RPL26: variants seen among roughly 807,000 people sequenced by gnomAD.
The protein encoded by RPL26 is large ribosomal subunit protein uL24.
Under a neutral mutation model 16.2 loss-of-function variants are expected in RPL26, and 1 was observed. The observed-to-expected ratio is 0.06, with a 90% CI of 0.02 to 0.29. The LOEUF (loss-of-function observed/expected upper bound fraction) is 0.29. Ranked by LOEUF, RPL26 falls within the 10% of genes least tolerant of loss-of-function variation. The pLI is 1.00. For missense variants in RPL26, 102 were observed against 184.3 expected (o/e 0.55, Z 2.58); for synonymous variants, 55 against 62.4 (o/e 0.88, Z 0.56).
chr17:8,380,738 G>A (rs902897428), intron 2 of RPL26: 1 of 152,200 alleles, frequency 6.6e-6, no homozygotes, highest in Admixed American at 6.5e-5. Context: ...GAAAATTACA[G>A]CAGTTAAAGA....
At chr17:8,383,123 G>A (rs1395972934) in intron 1 of RPL26, 34 bp downstream of exon 1, 2 of 398,684 alleles carry the variant, frequency 5.0e-6, no homozygotes, top group East Asian at 3.6e-5. Context: ...ACGGATGGCT[G>A]CTGATTACAC....
chr17:8,377,692 C>A lies in RPL26; in HGVS notation c.310G>T (p.Val104Leu). 1.9e-6 allele frequency: 3 copies of A among 1,600,798 alleles called. No individual in the cohort carries two copies. The highest frequency in any genetic ancestry group is 2.2e-5 in the East Asian group (1 of 44,778). ...TVHVGIHPSK[V>L]VITRLKLDKD... ...TCCAGTTTTAGCCTAGTGATAACCA[C>A]CTGCAGAAAAATAAGAAAAAAACAC... Residue 104 changes from valine to leucine, a missense_variant and splice_region_variant, in exon 4 of 4, where the codon GTG becomes TTG. Coordinates refer to ENST00000648839, the MANE Select transcript of RPL26 (RefSeq NM_000987.5).
At chr17:8,379,194 CTTTTT>C (rs201780869) in intron 3 of RPL26, 3 of 142,840 alleles carry the variant, frequency 2.1e-5, no homozygotes, top group African/African-American at 7.7e-5. Context: ...TATTTTTTTT[CTTTTT>C]TTTTTTTTGA....
intron 3 of RPL26, 42 bp downstream of exon 3, chr17:8,379,754 T>C: frequency 6.3e-7 from 1 of 1,577,530 alleles, no homozygotes; most frequent in South Asian, 1.1e-5. Flanking sequence ...CAACAATAAT[T>C]GCCATAATTT....
At chr17:8,381,515 T>C (rs1907407637) in intron 2 of RPL26, among the ~76,000 whole-genome samples, 1 of 152,140 alleles carries the variant, frequency 6.6e-6, no homozygotes, top group African/African-American at 2.4e-5. Flanking sequence ...TGGAGACCAA[T>C]CTGGGCAGTA....
intron 3 of RPL26, chr17:8,379,543 C>T (rs745742689): frequency 2.3e-5 from 13 of 553,696 alleles, no homozygotes; most frequent in African/African-American, 7.6e-5. Flanking sequence ...CACTGCACTC[C>T]GGCCTGGGTG....
chr17:8,378,487 T>C (rs1460247123), intron 3 of RPL26, among the ~76,000 whole-genome samples: 3 of 151,966 alleles, frequency 2.0e-5, no homozygotes, highest in East Asian at 1.9e-4. Context: ...AGCAAAACTC[T>C]GTCCAAAACA....
intron 2 of RPL26, chr17:8,381,030 AT>A (rs33988099): frequency 0.68 from 102,456 of 150,936 alleles, 35,173 homozygotes; most frequent in African/African-American, 0.76. Flanking sequence ...GATTTGTGTG[AT>A]TTTTTTTTTT....
At chr17:8,382,459 G>A (rs1907467881) in intron 1 of RPL26, 144 bp from the exon 2 acceptor site, 1 of 618,840 alleles carries the variant, frequency 1.6e-6, no homozygotes, top group Non-Finnish European at 2.8e-6. Flanking sequence ...CTGTTTGATC[G>A]GAAGGGCCTA....
At chr17:8,382,808 C>A in intron 1 of RPL26, 1 of 381,024 alleles carries the variant, frequency 2.6e-6, no homozygotes, top group Non-Finnish European at 4.6e-6. Context: ...CGTCTCGGGT[C>A]CTAAAAGCCT....
At chr17:8,381,877 T>G (rs1907430688) in intron 2 of RPL26, 1 of 306,354 alleles carries the variant, frequency 3.3e-6, no homozygotes, top group African/African-American at 2.4e-5. Flanking sequence ...TGCAGTGAGC[T>G]GAGATGGCAC....
At chr17:8,379,519 A>T in intron 3 of RPL26, 1 of 531,044 alleles carries the variant, frequency 1.9e-6, no homozygotes, top group South Asian at 2.8e-5. Flanking sequence ...GGCTGCAGTG[A>T]GCCGAGATTG....
intron 2 of RPL26, chr17:8,380,448 G>C (rs182182836): frequency 6.5e-6 from 1 of 153,396 alleles, no homozygotes. Context: ...TTTGAAATAG[G>C]CATGAAAAAA....
intron 3 of RPL26, chr17:8,379,523 G>C: frequency 3.7e-6 from 2 of 534,478 alleles, no homozygotes; most frequent in South Asian, 2.8e-5. Context: ...GCAGTGAGCC[G>C]AGATTGTGCC....
chr17:8,377,518 G>A lies in RPL26; in HGVS notation c.*46C>T. On this transcript the variant is annotated 3_prime_UTR_variant, in exon 4 of 4. Transcript: ENST00000648839. ...CCTAAATCACCACACACAAAACACA[G>A]GCTCTTTGTTTCAAGTTTTAATCAA... is the stretch of plus-strand genomic sequence containing the variant. The A allele has an allele frequency of 6.6e-7, 1 of 1,508,578 alleles. No individual in the cohort carries two copies. Among genetic ancestry groups the A allele is most frequent in the South Asian group, 1.2e-5 (1 of 82,902 alleles). The allele number at this position is 1,508,578 out of a possible 1,614,324, so 93.4% of individuals were successfully genotyped here.
chr17:8,380,155 T>C (rs553670184), intron 2 of RPL26: 5 of 533,790 alleles, frequency 9.4e-6, no homozygotes, highest in African/African-American at 5.7e-5. Flanking sequence ...AACCCATTAA[T>C]GTGTGCAACC....
At chr17:8,382,381 G>T in intron 1 of RPL26, 66 bp from the exon 2 acceptor site, 1 of 1,157,580 alleles carries the variant, frequency 8.6e-7, no homozygotes, top group Non-Finnish European at 1.3e-6. Context: ...ACAAATAACC[G>T]CAATGATTTT....
chr17:8,382,712 C>T lies in RPL26; in HGVS notation c.-5-397G>A, dbSNP rs577081153. 40 of 302,410 alleles carry T rather than the reference C, an allele frequency of 1.3e-4. 1 individual carries two copies. Among genetic ancestry groups the T allele is most frequent in the African/African-American group, 5.4e-4 (25 of 46,404 alleles). 18.7% of individuals were successfully genotyped at this position (302,410 alleles called of 1,614,324 possible). On this transcript the variant is annotated intron_variant, in intron 1 of 3. Coordinates refer to ENST00000648839, the MANE Select transcript of RPL26 (RefSeq NM_000987.5). The stretch of plus-strand genomic sequence containing the variant: ...CGTTTTAGAAGGTACAATCAACGTT[C>T]ATCTTCTACAGGCTTAAGAGTGAAT...
intron 2 of RPL26, 33 bp downstream of exon 2, chr17:8,382,110 A>T: frequency 6.3e-7 from 1 of 1,589,032 alleles, no homozygotes; most frequent in South Asian, 1.1e-5. Context: ...TAAAATATCC[A>T]TCAAGACAAC....
Sources: allele counts gnomAD v4.1 joint callset (sites outside exome capture counted in the v4.1 genomes callset), GRCh38; gene constraint gnomAD v4.1.1; transcripts MANE v1.5; gene names NCBI Gene and HGNC (gene_info 2026-07-23, HGNC 2026-07-21).